Variants in MTTP observed in about 807,000 individuals in gnomAD.
MTTP encodes microsomal triglyceride transfer protein large subunit.
MTTP carries 49 observed loss-of-function variants against 90.6 expected under a neutral mutation model. That is an observed-to-expected ratio of 0.54 (90% CI 0.43 to 0.69). MTTP has a LOEUF of 0.69. MTTP is among the 30% of genes least tolerant of loss of function. The pLI is 0.00. For missense variants in MTTP, 945 were observed against 1,067.5 expected (o/e 0.89, Z 1.60); for synonymous variants, 347 against 384.2 (o/e 0.90, Z 1.13).
intron 15 of MTTP, among the ~76,000 whole-genome samples, chr4:99,617,786 CA>C (rs1218432111): frequency 1.3e-5 from 2 of 152,110 alleles, no homozygotes; most frequent in Non-Finnish European, 2.9e-5. Flanking sequence ...CAGACAACCA[CA>C]AAATTTGCTC....
chr4:99,586,486 G>C (rs1042624580), intron 3 of MTTP, among the ~76,000 whole-genome samples: 2 of 152,056 alleles, frequency 1.3e-5, no homozygotes, highest in African/African-American at 4.8e-5. Flanking sequence ...TCCGGGCATT[G>C]ATTTGCTCTC....
intron 10 of MTTP, among the ~76,000 whole-genome samples, chr4:99,605,356 A>C (rs867425235): frequency 6.6e-6 from 1 of 152,168 alleles, no homozygotes; most frequent in African/African-American, 2.4e-5. Context: ...TTTGTATCTT[A>C]CATTTTTCAC....
At position 99,611,341 on chromosome 4, in the gene MTTP, G is replaced by T; in HGVS notation, c.1877G>T (p.Arg626Leu). The change falls in exon 14 of 18, where the codon CGT (arginine) becomes CTT (leucine). Residue 626 changes from arginine to leucine, a missense_variant. Transcript: ENST00000265517. ...TATTGTGTGTCATCAGGTAGTCCCC[G>T]TTCGGCATCTACTTACAGCCTAGAC... Reference protein sequence around the residue: ...AYTGYIERSPRSASTYSLDIL... With the variant: ...AYTGYIERSPLSASTYSLDIL... 3 of 1,613,974 alleles carry T rather than the reference G, an allele frequency of 1.9e-6. No homozygotes were observed. The highest frequency in any genetic ancestry group is 2.2e-5 in the South Asian group (2 of 91,084).
chr4:99,612,599 TCAGA>T (rs1725987425), intron 14 of MTTP, among the ~76,000 whole-genome samples: 3 of 152,130 alleles, frequency 2.0e-5, no homozygotes. Flanking sequence ...GTTTTCATAG[TCAGA>T]CAGAAGGGGT....
intron 16 of MTTP, 102 bp downstream of exon 16, chr4:99,619,200 C>A: frequency 9.3e-7 from 1 of 1,080,122 alleles, no homozygotes; most frequent in Non-Finnish European, 1.4e-6. Context: ...TTTTCAAAAT[C>A]TATGCTTTCT....
intron 16 of MTTP, among the ~76,000 whole-genome samples, chr4:99,620,454 A>G (rs1195462049): frequency 2.0e-5 from 3 of 152,200 alleles, no homozygotes; most frequent in Admixed American, 2.0e-4. Flanking sequence ...CCAGTTATCT[A>G]GAGCATCATT....
chr4:99,578,493 T>C (rs191131954), intron 1 of MTTP, among the ~76,000 whole-genome samples: 2 of 152,312 alleles, frequency 1.3e-5, no homozygotes, highest in East Asian at 1.9e-4. Context: ...TCCACCTTAT[T>C]TGAACCGTTT....
At chr4:99,599,710 G>C (rs1029109656) in intron 8 of MTTP, among the ~76,000 whole-genome samples, 16 of 152,128 alleles carry the variant, frequency 1.1e-4, no homozygotes, top group African/African-American at 3.9e-4. Flanking sequence ...TTTTAGTACA[G>C]TGCTTGCACA....
At chr4:99,604,420 G>A (rs1017973536) in intron 10 of MTTP, among the ~76,000 whole-genome samples, 4 of 152,026 alleles carry the variant, frequency 2.6e-5, no homozygotes, top group Non-Finnish European at 5.9e-5. Flanking sequence ...TATTTTCACT[G>A]AATTTGTACT....
At chr4:99,599,800 A>G (rs531961349) in intron 8 of MTTP, among the ~76,000 whole-genome samples, 2 of 152,294 alleles carry the variant, frequency 1.3e-5, no homozygotes, top group South Asian at 4.1e-4. Context: ...AAATAGTACA[A>G]GTATATCATT....
Position 99,574,858 on chromosome 4 carries a change from T to G in MTTP, c.-52T>G. The stretch of plus-strand genomic sequence containing the variant: ...CTGGCTGCCATTGAAAGAGTCCACT[T>G]CTCAGTGACTCCTAGCTGGGCACTG... On this transcript the variant is annotated 5_prime_UTR_variant, in exon 1 of 18. Transcript: ENST00000265517. 2 of 1,614,062 alleles carry G rather than the reference T, an allele frequency of 1.2e-6. No individual in the cohort carries two copies. The highest frequency in any genetic ancestry group is 1.7e-6 in the Non-Finnish European group (2 of 1,179,936).
intron 6 of MTTP, among the ~76,000 whole-genome samples, chr4:99,592,783 T>G (rs1345524189): frequency 6.6e-6 from 1 of 152,202 alleles, no homozygotes; most frequent in African/African-American, 2.4e-5. Flanking sequence ...ACAGTTAATT[T>G]TTTTAATAAG....
chr4:99,617,891 T>C (rs1388994979), intron 15 of MTTP, among the ~76,000 whole-genome samples: 1 of 151,742 alleles, frequency 6.6e-6, no homozygotes, highest in Non-Finnish European at 1.5e-5. Flanking sequence ...TCATTTCAAA[T>C]GTCAAACAGC....
upstream of MTTP, among the ~76,000 whole-genome samples, chr4:99,572,635 GT>G: frequency 6.6e-6 from 1 of 151,948 alleles, no homozygotes; most frequent in East Asian, 1.9e-4. Context: ...GGCAGCTCTT[GT>G]TTTTTTACTG....
upstream of MTTP, among the ~76,000 whole-genome samples, chr4:99,571,022 A>G (rs139133837): frequency 9.9e-5 from 15 of 152,084 alleles, no homozygotes; most frequent in African/African-American, 3.6e-4. Flanking sequence ...GTAATTTGTT[A>G]TGGTAGCTAT....
At chr4:99,592,740 ATACCTCCT>A (rs1458892561) in intron 6 of MTTP, among the ~76,000 whole-genome samples, 1 of 152,174 alleles carries the variant, frequency 6.6e-6, no homozygotes, top group African/African-American at 2.4e-5. Flanking sequence ...TTCTTCTGGA[ATACCTCCT>A]GAAGAACCTG....
intron 11 of MTTP, 80 bp from the exon 12 acceptor site, chr4:99,608,686 C>A: frequency 9.1e-7 from 1 of 1,095,126 alleles, no homozygotes; most frequent in Non-Finnish European, 1.4e-6. Flanking sequence ...TTTATGAACA[C>A]TCACTATTCC....
rs1725942150 is a variant in MTTP, at chr4:99,611,160, T to C, written c.1787T>C (p.Val596Ala). Residue 596 changes from valine (V) to alanine (A), a missense_variant, in exon 13 of 18, where the codon GTT (valine) becomes GCT (alanine). Coordinates refer to ENST00000265517, the MANE Select transcript of MTTP (RefSeq NM_001386140.1). ...TGTTGCAGCAAAATTGTCCGTCGAG[T>C]TCTGAAGGAAATGGTCGCTCACAAT... is the stretch of plus-strand genomic sequence containing the variant. ...EMPASKIVRRVLKEMVAHNYD... is the reference protein window; with the variant it reads ...EMPASKIVRRALKEMVAHNYD... The C allele has an allele frequency of 6.2e-7, 1 of 1,613,818 alleles. No homozygotes were observed. Among genetic ancestry groups the C allele is most frequent in the Non-Finnish European group, 8.5e-7 (1 of 1,179,928 alleles).
upstream of MTTP, among the ~76,000 whole-genome samples, chr4:99,574,011 G>T (rs1386204414): frequency 6.6e-6 from 1 of 152,172 alleles, no homozygotes; most frequent in Non-Finnish European, 1.5e-5. Context: ...CCATACTAGG[G>T]TATTTGCTTT....
Sources: gnomAD v4.1 joint callset for allele counts (sites outside exome capture counted in the v4.1 genomes callset) on GRCh38, gnomAD v4.1.1 for gene constraint, MANE v1.5 for transcripts, NCBI Gene and HGNC (gene_info 2026-07-23, HGNC 2026-07-21) for gene names.